The following PRKD1 variants were observed in gnomAD, a reference collection of about 807,000 sequenced individuals.
PRKD1 encodes serine/threonine-protein kinase D1.
Under a neutral mutation model 95.9 loss-of-function variants are expected in PRKD1, and 63 were observed. The ratio of observed to expected loss-of-function variants is 0.66; its 90% CI spans 0.54 to 0.81. PRKD1 has a LOEUF of 0.81. Among genes scored for constraint, PRKD1 ranks in the 30% least tolerant of loss-of-function variants. The probability of loss-of-function intolerance (pLI) is 0.00; values close to 1 mark genes in which losing one functional copy is unlikely to be tolerated. For missense variants in PRKD1, 1,048 were observed against 1,165.3 expected, an observed-to-expected ratio of 0.90 and a Z score of 1.47; for synonymous variants, 425 against 423.1, an observed-to-expected ratio of 1.00 and a Z score of -0.05.
chr14:29,883,669 T>C (rs940890459), intron 1 of PRKD1, among the ~76,000 whole-genome samples: 2 of 152,184 alleles, frequency 1.3e-5, no homozygotes, highest in Non-Finnish European at 2.9e-5. Flanking sequence ...GATGGACATA[T>C]CACCAAATAC....
At chr14:29,764,286 A>G (rs185702368) in intron 1 of PRKD1, among the ~76,000 whole-genome samples, 4 of 152,282 alleles carry the variant, frequency 2.6e-5, no homozygotes, top group Admixed American at 1.3e-4. Context: ...GGAAAAAAAA[A>G]TCTAAAAAGT....
chr14:29,906,336 C>G, intron 1 of PRKD1, among the ~76,000 whole-genome samples: 1 of 152,190 alleles, frequency 6.6e-6, no homozygotes, highest in South Asian at 2.1e-4. Context: ...CCCAGGAGTT[C>G]AAGACCAGCC....
chr14:29,828,356 A>G (rs1891276832), intron 1 of PRKD1, among the ~76,000 whole-genome samples: 1 of 152,030 alleles, frequency 6.6e-6, no homozygotes, highest in African/African-American at 2.4e-5. Flanking sequence ...GGCTCTCTTA[A>G]ACAGCCAGAT....
intron 4 of PRKD1, among the ~76,000 whole-genome samples, chr14:29,656,665 A>ATT (rs1234434035): frequency 2.0e-5 from 3 of 152,228 alleles, no homozygotes; most frequent in African/African-American, 7.2e-5. Flanking sequence ...AACAGTCTTT[A>ATT]TAACTACAGA....
intron 1 of PRKD1, among the ~76,000 whole-genome samples, chr14:29,848,557 A>G (rs771925590): frequency 6.6e-6 from 1 of 151,980 alleles, no homozygotes; most frequent in Non-Finnish European, 1.5e-5. Flanking sequence ...AGCCTACAAC[A>G]ATTTTAAAAA....
At chr14:29,859,964 T>C (rs760285711) in intron 1 of PRKD1, among the ~76,000 whole-genome samples, 18 of 152,244 alleles carry the variant, frequency 1.2e-4, no homozygotes, top group Non-Finnish European at 2.2e-4. Context: ...AGATTTTGAA[T>C]GGAACCAAAT....
chr14:29,704,484 T>C (rs1884983897), intron 2 of PRKD1, among the ~76,000 whole-genome samples: 2 of 151,912 alleles, frequency 1.3e-5, no homozygotes, highest in Non-Finnish European at 2.9e-5. Flanking sequence ...TATTTTCTGA[T>C]TGGAGAACTA....
intron 1 of PRKD1, among the ~76,000 whole-genome samples, chr14:29,901,129 C>T (rs1402124762): frequency 5.9e-5 from 9 of 152,158 alleles, no homozygotes; most frequent in African/African-American, 1.2e-4. Flanking sequence ...AAATGTGGTA[C>T]ATTTACACCA....
chr14:29,585,588 T>C (rs999358759), intron 16 of PRKD1, among the ~76,000 whole-genome samples: 11 of 152,202 alleles, frequency 7.2e-5, no homozygotes, highest in African/African-American at 2.7e-4. Context: ...ATTCTGATCA[T>C]GTTCATACTG....
chr14:29,653,908 G>C lies in PRKD1; in HGVS notation c.696+9791C>G, dbSNP rs117861868. ...AAAAGCCTTTATTCTCTCCAACAAAGAAATATATAGTTAGGCACAGATTTT... is the reference window on the plus strand; with the variant it reads ...AAAAGCCTTTATTCTCTCCAACAAACAAATATATAGTTAGGCACAGATTTT... On this transcript the variant is annotated intron_variant, in intron 4 of 17. Transcript: ENST00000331968. Among the ~76,000 whole-genome samples, 1,268 of 152,082 alleles carry C rather than the reference G, an allele frequency of 8.3e-3. 9 individuals are homozygous for C. Among genetic ancestry groups the C allele is most frequent in the Non-Finnish European group, 0.012 (815 of 67,978 alleles).
intron 1 of PRKD1, among the ~76,000 whole-genome samples, chr14:29,736,887 T>C (rs908493272): frequency 2.6e-5 from 4 of 152,200 alleles, no homozygotes; most frequent in Non-Finnish European, 5.9e-5. Context: ...AAATGTGACC[T>C]GGCCAACGGG....
chr14:29,661,687 A>AGT (rs1882200284), intron 4 of PRKD1, among the ~76,000 whole-genome samples: 1 of 152,200 alleles, frequency 6.6e-6, no homozygotes, highest in Admixed American at 6.5e-5. Context: ...TCTGAGAACC[A>AGT]GTGTGTCAAA....
At chr14:29,859,335 G>A (rs1022208388) in intron 1 of PRKD1, among the ~76,000 whole-genome samples, 3 of 151,900 alleles carry the variant, frequency 2.0e-5, no homozygotes, top group Non-Finnish European at 4.4e-5. Flanking sequence ...TTAGCCAGGC[G>A]TGGTGGCTCA....
intron 13 of PRKD1, among the ~76,000 whole-genome samples, chr14:29,618,091 T>G (rs986888591): frequency 6.6e-6 from 1 of 152,094 alleles, no homozygotes; most frequent in East Asian, 1.9e-4. Flanking sequence ...AGCTTTTAGG[T>G]GCTCGAAGAT....
At position 29,663,849 on chromosome 14, in the gene PRKD1, C is replaced by G. The variant is rs750336161; in HGVS notation, c.546G>C (p.Leu182=). ...TAAATGCACATCTCTTATGGTAATT[C>G]AGACCACACCCTGGAAAGGGAAAAT... The part of the protein sequence containing the change: ...RQGLKCEGCG[L]NYHKRCAFKI... The change falls in exon 4 of 18, where the codon CTG becomes CTC. Residue 182 remains leucine, a synonymous_variant. Transcript: ENST00000331968. 6.2e-6 allele frequency: 10 copies of G among 1,613,400 alleles called. No homozygotes were observed. Among genetic ancestry groups the G allele is most frequent in the South Asian group, 1.1e-5 (1 of 91,042 alleles).
At position 29,743,894 on chromosome 14, in the gene PRKD1, T is replaced by C. The variant is rs185674356; in HGVS notation, c.265-18220A>G. Among the ~76,000 whole-genome samples the C allele has an allele frequency of 5.3e-5, 8 of 152,294 alleles. No individual in the cohort carries two copies. The East Asian group carries it at 1.5e-3, about 29-fold the overall frequency. ...CTTTCTTCTCTGGATTCCAGAATAG[T>C]GTATTCTTTTGTCTTTCCTCCCACT... On this transcript the variant is annotated intron_variant, in intron 1 of 17. Coordinates refer to ENST00000331968, the MANE Select transcript of PRKD1 (RefSeq NM_002742.3).
intron 1 of PRKD1, among the ~76,000 whole-genome samples, chr14:29,783,002 AG>A (rs1391445716): frequency 6.6e-6 from 1 of 152,220 alleles, no homozygotes; most frequent in Non-Finnish European, 1.5e-5. Context: ...TCTTTGTGTT[AG>A]GAACATTTCA....
chr14:29,700,475 T>C (rs1884771180), intron 2 of PRKD1, among the ~76,000 whole-genome samples: 1 of 152,184 alleles, frequency 6.6e-6, no homozygotes, highest in Admixed American at 6.6e-5. Context: ...CTGCTCCTTG[T>C]TTTTTCATTT....
chr14:29,825,345 C>A (rs1292943694), intron 1 of PRKD1, among the ~76,000 whole-genome samples: 1 of 152,080 alleles, frequency 6.6e-6, no homozygotes, highest in Middle Eastern at 3.2e-3. Flanking sequence ...TTTGAGCTGA[C>A]ACTTGACAGA....
Sources: gnomAD v4.1 joint callset for allele counts (sites outside exome capture counted in the v4.1 genomes callset) on GRCh38, gnomAD v4.1.1 for gene constraint, MANE v1.5 for transcripts, NCBI Gene and HGNC (gene_info 2026-07-23, HGNC 2026-07-21) for gene names.